The following PSIP1 variants were observed in gnomAD, a reference collection of about 807,000 sequenced individuals.
PSIP1 encodes PC4 and SFRS1-interacting protein.
Under a neutral mutation model 74.7 loss-of-function variants are expected in PSIP1, and 19 were observed. That is an observed-to-expected ratio of 0.25 (90% CI 0.18 to 0.37). The LOEUF is 0.37. Among genes scored for constraint, PSIP1 ranks in the 10% least tolerant of loss-of-function variants. The pLI is 1.00. For synonymous variants in PSIP1, 222 were observed against 195.3 expected, an observed-to-expected ratio of 1.14 and a Z score of -1.14; for missense variants, 601 against 614.3, an observed-to-expected ratio of 0.98 and a Z score of 0.23.
chr9:15,482,696 G>A (rs998947569), intron 6 of PSIP1, among the ~76,000 whole-genome samples: 12 of 152,278 alleles, frequency 7.9e-5, no homozygotes, highest in African/African-American at 2.9e-4. Context: ...CAGAGAAAAA[G>A]TGTTAAGGCA....
rs755076249 is a variant in PSIP1 at position 15,478,567 on chromosome 9, G to GA, written c.554-16dup. Reference sequence around the variant, plus strand: ...GACTTCTGTAGCTAATATACACATGGAAAAAAAATCAGTAACTACTAGTTT... The same window carrying GA: ...GACTTCTGTAGCTAATATACACATGGAAAAAAAAATCAGTAACTACTAGTTT... On this transcript the variant is annotated splice_polypyrimidine_tract_variant and intron_variant, in intron 7 of 15. Transcript: ENST00000380733. 1.9e-5 allele frequency: 29 copies of GA among 1,546,668 alleles called. No individual in the cohort carries two copies. Among genetic ancestry groups the GA allele is most frequent in the Middle Eastern group, 1.7e-4 (1 of 5,908 alleles).
Position 15,471,181 on chromosome 9 carries a change from G to A in PSIP1, c.978-1188C>T, listed in dbSNP as rs764887612. The A allele has an allele frequency of 5.0e-6, 8 of 1,607,016 alleles. No individual in the cohort carries two copies. The East Asian group carries it at 1.1e-4, about 22-fold the overall frequency. On this transcript the variant is annotated intron_variant, in intron 10 of 15. Transcript: ENST00000380733. ...TTTTCAGTAACTGGATTAATGCTTT[G>A]AGCCCAAAATGAGATATATTTTTTA...
chr9:15,484,056 C>T (rs985130166), intron 6 of PSIP1, among the ~76,000 whole-genome samples: 2 of 147,346 alleles, frequency 1.4e-5, no homozygotes, highest in Non-Finnish European at 3.0e-5. Flanking sequence ...CGCTTGAACC[C>T]GGGAGGTGGA....
chr9:15,499,714 A>T (rs1049566576), intron 3 of PSIP1, among the ~76,000 whole-genome samples: 1 of 152,082 alleles, frequency 6.6e-6, no homozygotes, highest in Admixed American at 6.6e-5. Context: ...TTTCTACTGA[A>T]AGTACAAAAA....
intron 8 of PSIP1, among the ~76,000 whole-genome samples, chr9:15,477,241 T>C (rs2036128137): frequency 6.6e-6 from 1 of 152,212 alleles, no homozygotes; most frequent in Non-Finnish European, 1.5e-5. Context: ...AAATTCTATG[T>C]GTTTATGGTG....
chr9:15,476,195 A>T (rs1227203852), intron 8 of PSIP1, among the ~76,000 whole-genome samples: 1 of 152,144 alleles, frequency 6.6e-6, no homozygotes, highest in Non-Finnish European at 1.5e-5. Flanking sequence ...TAAGAAATAA[A>T]CGTTGTAAAG....
chr9:15,502,478 G>A (rs1415315344), intron 3 of PSIP1, among the ~76,000 whole-genome samples: 1 of 152,124 alleles, frequency 6.6e-6, no homozygotes, highest in Non-Finnish European at 1.5e-5. Flanking sequence ...GTCTTACTAT[G>A]TTACAAGCCA....
At chr9:15,484,560 C>G (rs935312903) in intron 6 of PSIP1, among the ~76,000 whole-genome samples, 1 of 151,690 alleles carries the variant, frequency 6.6e-6, no homozygotes, top group African/African-American at 2.4e-5. Flanking sequence ...CCTCATCTCT[C>G]CTAAAAATAC....
Position 15,490,820 on chromosome 9 carries a change from T to A in PSIP1, c.150-696A>T, listed in dbSNP as rs560010974. Among the ~76,000 whole-genome samples, 176 of 152,266 alleles carry A rather than the reference T, an allele frequency of 1.2e-3. 2 individuals carry two copies. The highest frequency in any genetic ancestry group is 4.0e-3 in the African/African-American group (168 of 41,550). On this transcript the variant is annotated intron_variant, in intron 3 of 15. Transcript: ENST00000380733. ...TTCACTTCAAAATAACTTCGTATAT[T>A]ATACAACTCACAAAACTATCGTGTT...
At chr9:15,477,525 A>G (rs1024988915) in intron 8 of PSIP1, among the ~76,000 whole-genome samples, 11 of 152,176 alleles carry the variant, frequency 7.2e-5, no homozygotes, top group African/African-American at 2.7e-4. Context: ...AGTTCATTCA[A>G]AACAATGTAA....
At chr9:15,468,504 T>A in intron 14 of PSIP1, 126 bp downstream of exon 14, 1 of 1,043,418 alleles carries the variant, frequency 9.6e-7, no homozygotes, top group Non-Finnish European at 1.5e-6. Context: ...ATTTTCACCA[T>A]TTTGCCTTTG....
At chr9:15,477,650 A>T (rs965637977) in intron 8 of PSIP1, among the ~76,000 whole-genome samples, 1 of 152,046 alleles carries the variant, frequency 6.6e-6, no homozygotes, top group African/African-American at 2.4e-5. Context: ...TCTGGCAAAG[A>T]TTCCCCAAAA....
chr9:15,465,003 A>C lies in PSIP1; in HGVS notation c.*517T>G, dbSNP rs1024030752. The C allele has an allele frequency of 1.4e-5, 3 of 220,056 alleles. No homozygotes were observed. Among genetic ancestry groups the C allele is most frequent in the Non-Finnish European group, 2.7e-5 (3 of 109,722 alleles). The allele number at this position is 220,056 out of a possible 1,614,324, so 13.6% of individuals were successfully genotyped here. ...TAGCACAATGTAGACTGTGAGATTA[A>C]AATTAACTTTTGATAAAAAGGGAGT... On this transcript the variant is annotated 3_prime_UTR_variant, in exon 16 of 16. Coordinates refer to ENST00000380733, the MANE Select transcript of PSIP1 (RefSeq NM_033222.5).
chr9:15,467,081 G>C (rs1239435113), intron 14 of PSIP1, among the ~76,000 whole-genome samples: 1 of 152,158 alleles, frequency 6.6e-6, no homozygotes, highest in Non-Finnish European at 1.5e-5. Flanking sequence ...CAGAGGCTTT[G>C]GGTAGCTAAG....
At chr9:15,474,331 C>A (rs2035982904) in intron 8 of PSIP1, 94 bp from the exon 9 acceptor site, 1 of 1,121,908 alleles carries the variant, frequency 8.9e-7, no homozygotes, top group Non-Finnish European at 1.3e-6. Context: ...AAAGGCAAAT[C>A]TAAAACAAAG....
At chr9:15,498,642 A>G (rs2037194596) in intron 3 of PSIP1, among the ~76,000 whole-genome samples, 3 of 152,296 alleles carry the variant, frequency 2.0e-5, no homozygotes, top group Middle Eastern at 6.8e-3. Flanking sequence ...TCATTCTTCA[A>G]GGCATTCCAC....
intron 3 of PSIP1, among the ~76,000 whole-genome samples, chr9:15,496,206 G>A (rs2037065496): frequency 1.3e-5 from 2 of 152,228 alleles, no homozygotes; most frequent in Admixed American, 6.5e-5. Flanking sequence ...ATATGGCAGG[G>A]TAGGTGAAAT....
intron 8 of PSIP1, among the ~76,000 whole-genome samples, chr9:15,476,801 C>A (rs1444212777): frequency 1.3e-5 from 2 of 152,110 alleles, no homozygotes; most frequent in African/African-American, 4.8e-5. Flanking sequence ...ACACCAGACT[C>A]CATCAAAAGA....
intron 2 of PSIP1, among the ~76,000 whole-genome samples, chr9:15,509,522 A>T (rs1309800869): frequency 1.3e-5 from 2 of 152,226 alleles, no homozygotes; most frequent in African/African-American, 2.4e-5. Flanking sequence ...AAGGTCATAA[A>T]CATCTCAAAT....
Sources: allele counts gnomAD v4.1 joint callset (sites outside exome capture counted in the v4.1 genomes callset), GRCh38; gene constraint gnomAD v4.1.1; transcripts MANE v1.5; gene names NCBI Gene and HGNC (gene_info 2026-07-23, HGNC 2026-07-21).